Variants in PPARD observed in about 807,000 individuals in gnomAD.
PPARD encodes the protein peroxisome proliferator activated receptor delta.
In PPARD, 6 loss-of-function variants were observed where a neutral mutation model predicts 39.5. The ratio of observed to expected loss-of-function variants is 0.15; its 90% confidence interval spans 0.08 to 0.30. PPARD has a LOEUF of 0.30. Among genes scored for constraint, PPARD ranks in the 10% least tolerant of loss-of-function variants. The probability of loss-of-function intolerance (pLI) is 1.00; values close to 1 mark genes in which losing one functional copy is unlikely to be tolerated. For synonymous variants in PPARD, 210 were observed against 231.3 expected, an observed-to-expected ratio of 0.91 and a Z score of 0.83; for missense variants, 397 against 596.8, an observed-to-expected ratio of 0.67 and a Z score of 3.49.
intron 2 of PPARD, among the ~76,000 whole-genome samples, chr6:35,358,161 G>A (rs1186574658): frequency 6.6e-6 from 1 of 152,146 alleles, no homozygotes; most frequent in Non-Finnish European, 1.5e-5. Context: ...CTTATGAGTG[G>A]GGGCCAGAGA....
rs2076167 is a variant in PPARD, at chr6:35,424,010, C to T, written c.489C>T (p.Asn163=). Residue 163 remains asparagine (N), a synonymous_variant, in exon 6 of 8, where the codon AAC becomes AAT. Transcript: ENST00000360694. The surrounding 1 kb of genome is among the most constrained non-coding windows in gnomAD (Gnocchi z 7.1). ...AGCTGGTGGCAGGGCTGACTGCAAA[C>T]GAGGGGAGCCAGTACAACCCACAGG... The part of the protein sequence containing the change: ...KRKLVAGLTA[N]EGSQYNPQVA... The T allele has an allele frequency of 0.75, 1,217,575 of 1,613,924 alleles. 465,387 individuals are homozygous for T. The highest frequency in any genetic ancestry group is 0.78 in the South Asian group (71,439 of 91,076).
At chr6:35,377,560 A>G (rs1013378018) in intron 2 of PPARD, among the ~76,000 whole-genome samples, 1 of 152,148 alleles carries the variant, frequency 6.6e-6, no homozygotes, top group Non-Finnish European at 1.5e-5. Flanking sequence ...TTGGCTTGGA[A>G]CCTGTCTTTT....
chr6:35,388,456 G>T (rs1763812745), intron 2 of PPARD, among the ~76,000 whole-genome samples: 1 of 152,158 alleles, frequency 6.6e-6, no homozygotes, highest in African/African-American at 2.4e-5. Flanking sequence ...GCTCACACCT[G>T]TACCCAGCAC....
intron 2 of PPARD, among the ~76,000 whole-genome samples, chr6:35,402,193 G>C (rs1381995596): frequency 6.6e-6 from 1 of 152,174 alleles, no homozygotes; most frequent in Non-Finnish European, 1.5e-5. Flanking sequence ...TAAGAAAATC[G>C]AAATCACCTA....
intron 2 of PPARD, among the ~76,000 whole-genome samples, chr6:35,356,460 A>G (rs1234418488): frequency 1.3e-5 from 2 of 152,220 alleles, no homozygotes; most frequent in East Asian, 1.9e-4. Flanking sequence ...CAAGCAAGCA[A>G]AGCATGCTCT....
intron 2 of PPARD, chr6:35,349,000 G>A (rs536698798): frequency 4.1e-6 from 4 of 984,974 alleles, no homozygotes; most frequent in Admixed American, 6.2e-5. Context: ...GCTCCCAGTC[G>A]CAGGTAGGAA....
intron 2 of PPARD, among the ~76,000 whole-genome samples, chr6:35,367,768 C>A (rs140687865): frequency 6.6e-6 from 1 of 152,356 alleles, no homozygotes; most frequent in African/African-American, 2.4e-5. Flanking sequence ...CTATCCTGAA[C>A]TTCTTGCAGC....
At chr6:35,349,247 G>A (rs1025979711) in intron 2 of PPARD, among the ~76,000 whole-genome samples, 12 of 151,856 alleles carry the variant, frequency 7.9e-5, no homozygotes, top group African/African-American at 2.9e-4. Flanking sequence ...AGATGGTCTC[G>A]ATCTCCTGAC....
At chr6:35,398,307 G>A (rs1217762875) in intron 2 of PPARD, among the ~76,000 whole-genome samples, 1 of 152,178 alleles carries the variant, frequency 6.6e-6, no homozygotes, top group African/African-American at 2.4e-5. Context: ...CAGGGTCATA[G>A]CAGTAGAGGT....
intron 2 of PPARD, among the ~76,000 whole-genome samples, chr6:35,370,681 G>T (rs924908585): frequency 6.6e-6 from 1 of 152,212 alleles, no homozygotes; most frequent in African/African-American, 2.4e-5. Context: ...ACTTGCCAGG[G>T]ATGCAGGGCA....
At chr6:35,382,373 T>C (rs980790830) in intron 2 of PPARD, among the ~76,000 whole-genome samples, 2 of 152,222 alleles carry the variant, frequency 1.3e-5, no homozygotes, top group African/African-American at 4.8e-5. Flanking sequence ...AAATGAAATT[T>C]TGGAGCAGTA....
chr6:35,386,702 G>C (rs556155423), intron 2 of PPARD, among the ~76,000 whole-genome samples: 1 of 152,042 alleles, frequency 6.6e-6, no homozygotes. Context: ...CCCTGAAGAT[G>C]AACTCCTCAA....
intron 2 of PPARD, chr6:35,348,974 C>T (rs1761056971): frequency 8.1e-6 from 8 of 985,102 alleles, no homozygotes; most frequent in Non-Finnish European, 9.6e-6. Context: ...TTGTCCAGTT[C>T]ATCCCTGAGC....
chr6:35,369,740 C>T (rs1414558992), intron 2 of PPARD, among the ~76,000 whole-genome samples: 4 of 152,234 alleles, frequency 2.6e-5, no homozygotes, highest in Non-Finnish European at 5.9e-5. Flanking sequence ...GTCCTGCCAA[C>T]AGACGTTTAG....
intron 2 of PPARD, among the ~76,000 whole-genome samples, chr6:35,365,710 T>C (rs1279661734): frequency 6.6e-6 from 1 of 151,518 alleles, no homozygotes; most frequent in East Asian, 1.9e-4. Context: ...AGGCTGGTCC[T>C]GAACTCCTGA....
chr6:35,409,089 A>G lies in PPARD; in HGVS notation c.-101-1898A>G, dbSNP rs923040275. On this transcript the variant is annotated intron_variant, in intron 2 of 7. Coordinates refer to ENST00000360694, the MANE Select transcript of PPARD (RefSeq NM_006238.5). Reference sequence around the variant, plus strand: ...GTTTTCCCACTCTAATGATTTGGAAATCATACATCGGCATCTTGAGACATC... The same window carrying G: ...GTTTTCCCACTCTAATGATTTGGAAGTCATACATCGGCATCTTGAGACATC... Among the ~76,000 whole-genome samples the G allele has an allele frequency of 3.9e-5, 6 of 152,284 alleles. No homozygotes were observed. The South Asian group carries it at 1.2e-3, about 32-fold the overall frequency.
At chr6:35,349,587 T>C (rs1474828436) in intron 2 of PPARD, among the ~76,000 whole-genome samples, 2 of 151,970 alleles carry the variant, frequency 1.3e-5, no homozygotes, top group African/African-American at 4.8e-5. Context: ...TTGGATAAGC[T>C]TGGCCTCCCT....
intron 2 of PPARD, among the ~76,000 whole-genome samples, chr6:35,372,367 C>CG (rs1762529489): frequency 2.0e-5 from 3 of 152,176 alleles, no homozygotes; most frequent in Admixed American, 2.0e-4. Flanking sequence ...TTAGTAGAGA[C>CG]GGGGTTTCAC....
At chr6:35,369,356 G>A (rs1762363925) in intron 2 of PPARD, among the ~76,000 whole-genome samples, 2 of 152,288 alleles carry the variant, frequency 1.3e-5, no homozygotes, top group Middle Eastern at 3.4e-3. Context: ...ATGGTTTTTA[G>A]TATTTACAGA....
Sources: allele counts gnomAD v4.1 joint callset (sites outside exome capture counted in the v4.1 genomes callset), GRCh38; gene constraint gnomAD v4.1.1; non-coding constraint Gnocchi (gnomAD v3.1); transcripts MANE v1.5; gene names NCBI Gene and HGNC (gene_info 2026-07-23, HGNC 2026-07-21).